The following HDAC9 variants were observed in gnomAD, a reference collection of about 807,000 sequenced individuals.
HDAC9 encodes the protein histone deacetylase 9, also known as MEF-2 interacting transcription repressor (MITR) protein.
HDAC9 carries 41 observed loss-of-function variants against 139.4 expected under a neutral mutation model. The ratio of observed to expected loss-of-function variants is 0.29; its 90% CI spans 0.23 to 0.38. The LOEUF is 0.38. Among genes scored for constraint, HDAC9 ranks in the 10% least tolerant of loss-of-function variants. HDAC9 has a pLI of 1.00. For missense variants in HDAC9, 1,147 were observed against 1,297.0 expected, an observed-to-expected ratio of 0.88 and a Z score of 1.78; for synonymous variants, 517 against 476.2, an observed-to-expected ratio of 1.09 and a Z score of -1.12.
intron 8 of HDAC9, among the ~76,000 whole-genome samples, chr7:18,644,457 A>G (rs1011506484): frequency 6.6e-6 from 1 of 152,152 alleles, no homozygotes; most frequent in Non-Finnish European, 1.5e-5. Flanking sequence ...GCAAAAAATG[A>G]ACATAGATGC....
intron 2 of HDAC9, among the ~76,000 whole-genome samples, chr7:18,230,177 T>G (rs961984955): frequency 6.6e-6 from 1 of 152,132 alleles, no homozygotes; most frequent in African/African-American, 2.4e-5. Flanking sequence ...AGGAGAAACA[T>G]CCTAAAACAA....
At chr7:18,099,772 C>T (rs1562618099) in intron 1 of HDAC9, among the ~76,000 whole-genome samples, 1 of 152,132 alleles carries the variant, frequency 6.6e-6, no homozygotes, top group East Asian at 1.9e-4. Context: ...CTACTGGAAA[C>T]TCATTAAAAT....
chr7:18,413,991 A>G (rs1788814564), intron 1 of HDAC9, among the ~76,000 whole-genome samples: 1 of 152,192 alleles, frequency 6.6e-6, no homozygotes, highest in South Asian at 2.1e-4. Flanking sequence ...CTTCAGACTC[A>G]GACCACACAT....
intron 19 of HDAC9, among the ~76,000 whole-genome samples, chr7:18,830,078 G>A (rs1795750219): frequency 6.6e-6 from 1 of 152,118 alleles, no homozygotes. Flanking sequence ...AAAGTTAGAG[G>A]CACTAGATTA....
At chr7:18,323,763 A>G (rs907600843) in intron 1 of HDAC9, among the ~76,000 whole-genome samples, 1 of 152,106 alleles carries the variant, frequency 6.6e-6, no homozygotes, top group African/African-American at 2.4e-5. Context: ...GAATCTCAGG[A>G]AAAGTCAGGT....
chr7:18,885,028 T>TATGTAAA (rs1800028537), intron 22 of HDAC9, among the ~76,000 whole-genome samples: 1 of 152,240 alleles, frequency 6.6e-6, no homozygotes. Flanking sequence ...ATGCAGTAGA[T>TATGTAAA]ATGTAAAATA....
chr7:18,226,607 A>G (rs186660693), intron 2 of HDAC9, among the ~76,000 whole-genome samples: 94 of 152,302 alleles, frequency 6.2e-4, no homozygotes, highest in Non-Finnish European at 2.5e-4. Flanking sequence ...ATGAAAAAGG[A>G]AGTATGGAAT....
intron 13 of HDAC9, among the ~76,000 whole-genome samples, chr7:18,733,056 TGTATATAC>T (rs1255370596): frequency 5.0e-4 from 73 of 146,064 alleles, no homozygotes; most frequent in African/African-American, 1.3e-3. Context: ...TATATACATG[TGTATATAC>T]GTATATACAC....
chr7:18,626,097 G>T (rs750353492), intron 6 of HDAC9, among the ~76,000 whole-genome samples: 13 of 152,202 alleles, frequency 8.5e-5, no homozygotes, highest in East Asian at 5.8e-4. Context: ...ACTGCTTAGG[G>T]AAGTGGGGGT....
chr7:18,668,081 G>A, intron 12 of HDAC9: 1 of 967,444 alleles, frequency 1.0e-6, no homozygotes, highest in Non-Finnish European at 1.2e-6. Flanking sequence ...ATTGGCACGT[G>A]TTGTTTACAT....
At chr7:18,336,281 C>A (rs1429646048) in intron 1 of HDAC9, among the ~76,000 whole-genome samples, 1 of 151,490 alleles carries the variant, frequency 6.6e-6, no homozygotes, top group East Asian at 1.9e-4. Flanking sequence ...ATTTTAAATC[C>A]TTCATGAGAT....
chr7:18,976,102 C>T (rs1416965323), intron 25 of HDAC9, 149 bp downstream of exon 25: 27 of 729,096 alleles, frequency 3.7e-5, no homozygotes, highest in Non-Finnish European at 6.1e-5. Flanking sequence ...ACAGCACATG[C>T]TTTAGGCTAT....
At chr7:18,177,204 G>A (rs1326752686) in intron 2 of HDAC9, among the ~76,000 whole-genome samples, 2 of 152,152 alleles carry the variant, frequency 1.3e-5, no homozygotes, top group East Asian at 3.9e-4. Flanking sequence ...AATACGTGAG[G>A]AGGAAGGGAA....
chr7:18,466,964 C>G (rs213274), intron 1 of HDAC9, among the ~76,000 whole-genome samples: 1 of 152,120 alleles, frequency 6.6e-6, no homozygotes, highest in Admixed American at 6.6e-5. Flanking sequence ...CATTCTTATG[C>G]TTGACTATTT....
At chr7:18,262,568 A>G (rs368421118) in intron 2 of HDAC9, among the ~76,000 whole-genome samples, 98 of 152,340 alleles carry the variant, frequency 6.4e-4, no homozygotes, top group African/African-American at 2.0e-3. Context: ...AGGTAACTGC[A>G]TAGGTAAATA....
chr7:18,341,896 G>C (rs898416377), intron 1 of HDAC9, among the ~76,000 whole-genome samples: 2 of 151,674 alleles, frequency 1.3e-5, no homozygotes, highest in African/African-American at 4.8e-5. Context: ...TTTGAAAACA[G>C]TTTTATCCTT....
At chr7:18,436,429 T>G (rs1791210119) in intron 1 of HDAC9, among the ~76,000 whole-genome samples, 1 of 152,198 alleles carries the variant, frequency 6.6e-6, no homozygotes, top group African/African-American at 2.4e-5. Flanking sequence ...TTTCCCAATT[T>G]CATTCAGTTT....
At chr7:18,259,185 G>C (rs909051349) in intron 2 of HDAC9, among the ~76,000 whole-genome samples, 2 of 151,712 alleles carry the variant, frequency 1.3e-5, no homozygotes, top group African/African-American at 2.4e-5. Flanking sequence ...GGCCAGGCTG[G>C]CTTGAACTCC....
chr7:18,635,890 A>G (rs973907008), intron 8 of HDAC9, among the ~76,000 whole-genome samples: 1 of 152,074 alleles, frequency 6.6e-6, no homozygotes, highest in Non-Finnish European at 1.5e-5. Context: ...GATTTTAAAT[A>G]GTTATTTTGA....
Sources: allele counts gnomAD v4.1 joint callset (sites outside exome capture counted in the v4.1 genomes callset), GRCh38; gene constraint gnomAD v4.1.1; transcripts MANE v1.5; gene names NCBI Gene and HGNC (gene_info 2026-07-23, HGNC 2026-07-21).